Variants in DNAH3 observed in about 807,000 individuals in gnomAD.
DNAH3 encodes dynein axonemal heavy chain 3, also known as axonemal beta dynein heavy chain 3.
In DNAH3, 332 loss-of-function variants were observed where a neutral mutation model predicts 432.5. The observed-to-expected ratio is 0.77, with a 90% CI of 0.70 to 0.84. The LOEUF is 0.84. DNAH3 is among the 40% of genes least tolerant of loss of function. The pLI is 0.00. For synonymous variants in DNAH3, 1,956 were observed against 1,900.2 expected, an observed-to-expected ratio of 1.03 and a Z score of -0.76; for missense variants, 4,861 against 5,114.0, an observed-to-expected ratio of 0.95 and a Z score of 1.51.
intron 40 of DNAH3, among the ~76,000 whole-genome samples, chr16:21,020,148 G>C (rs2152710158): frequency 6.6e-6 from 1 of 150,460 alleles, no homozygotes; most frequent in African/African-American, 2.4e-5. Context: ...AGCTTCCTGA[G>C]TAGCTGGGAC....
At chr16:21,042,493 T>G (rs992161809) in intron 31 of DNAH3, among the ~76,000 whole-genome samples, 14 of 152,270 alleles carry the variant, frequency 9.2e-5, no homozygotes, top group African/African-American at 3.4e-4. Flanking sequence ...GTTTATTGGT[T>G]CAAAGATCAG....
rs1426230124 is a variant in DNAH3 at position 20,964,397 on chromosome 16, C to A, written c.9487G>T (p.Glu3163Ter). Residue 3163 changes from glutamate to a stop codon, truncating the protein, a stop_gained, in exon 53 of 62, where the codon GAA becomes TAA. Coordinates refer to ENST00000261383, the Ensembl canonical transcript of DNAH3. LOFTEE classifies it high-confidence loss of function. ...TATAACTTAAAATCCCTGGAATATTCAATGATGTTTTCACCCAGCCTCATG... is the reference window on the plus strand; with the variant it reads ...TATAACTTAAAATCCCTGGAATATTAAATGATGTTTTCACCCAGCCTCATG... The A allele has an allele frequency of 3.1e-6, 5 of 1,613,970 alleles. No individual in the cohort carries two copies. In the South Asian group the frequency reaches 5.5e-5, roughly 18 times the overall value.
chr16:21,007,015 A>G (rs1462469604), intron 41 of DNAH3, among the ~76,000 whole-genome samples: 2 of 152,150 alleles, frequency 1.3e-5, no homozygotes, highest in African/African-American at 4.8e-5. Flanking sequence ...CTACTGCACC[A>G]TTTTACATTT....
chr16:20,980,273 T>C lies in DNAH3; in HGVS notation c.7860-727A>G, dbSNP rs921473936. On this transcript the variant is annotated intron_variant, in intron 49 of 61. Coordinates refer to ENST00000261383, the Ensembl canonical transcript of DNAH3. Reference sequence around the variant, plus strand: ...ATACATCATATATTATATTATAATATACATCATATATTATAATATACATCA... The same window carrying C: ...ATACATCATATATTATATTATAATACACATCATATATTATAATATACATCA... Among the ~76,000 whole-genome samples, 9 of 139,686 alleles carry C rather than the reference T, an allele frequency of 6.4e-5. No homozygotes were observed. The East Asian group carries it at 8.1e-4, about 13-fold the overall frequency. The allele number at this position is 139,686 out of a possible 152,430, so 91.6% of individuals were successfully genotyped here.
intron 59 of DNAH3, among the ~76,000 whole-genome samples, chr16:20,937,257 T>A (rs1359637789): frequency 6.6e-6 from 1 of 151,232 alleles, no homozygotes. Flanking sequence ...TGGGCTCAAG[T>A]GATCCTCCTG....
At chr16:20,987,002 C>CAATTAATTGATCCTAAAAATGCATTTT (rs2086230444) in intron 47 of DNAH3, among the ~76,000 whole-genome samples, 1 of 152,104 alleles carries the variant, frequency 6.6e-6, no homozygotes. Flanking sequence ...CTCAACTCAC[C>CAATTAATTGATCCTAAAAATGCATTTT]AATTAATTGA....
chr16:21,048,319 A>C (rs2152740873), intron 31 of DNAH3, among the ~76,000 whole-genome samples: 1 of 152,228 alleles, frequency 6.6e-6, no homozygotes, highest in South Asian at 2.1e-4. Context: ...TGTGCTAGCA[A>C]TCAGCGAGAC....
chr16:21,045,269 C>G (rs886600161), intron 31 of DNAH3, among the ~76,000 whole-genome samples: 1 of 151,706 alleles, frequency 6.6e-6, no homozygotes, highest in African/African-American at 2.4e-5. Context: ...CTCCTTGTAC[C>G]TCTGGTAGAA....
At chr16:21,121,009 G>C (rs1221634615) in intron 10 of DNAH3, 2 of 713,262 alleles carry the variant, frequency 2.8e-6, no homozygotes, top group Non-Finnish European at 5.1e-6. Context: ...AGATTGCAAA[G>C]AGAAGAATGC....
intron 50 of DNAH3, among the ~76,000 whole-genome samples, chr16:20,978,777 T>A (rs2152655068): frequency 6.6e-6 from 1 of 152,212 alleles, no homozygotes; most frequent in Non-Finnish European, 1.5e-5. Flanking sequence ...TCTCTTGGCC[T>A]CAACTGATCC....
At chr16:20,970,052 C>G (rs2085268463) in intron 51 of DNAH3, 62 bp from the exon 52 acceptor site, 1 of 1,451,838 alleles carries the variant, frequency 6.9e-7, no homozygotes, top group Admixed American at 1.7e-5. Context: ...GGGGGCGAAG[C>G]AGAGCTCCAC....
At chr16:21,114,934 C>T (rs1340913508) in intron 12 of DNAH3, among the ~76,000 whole-genome samples, 2 of 152,174 alleles carry the variant, frequency 1.3e-5, no homozygotes, top group Non-Finnish European at 2.9e-5. Flanking sequence ...TATAAAGACA[C>T]ATGCACACGT....
At chr16:20,942,852 T>TCCC (rs2083876755) in intron 58 of DNAH3, among the ~76,000 whole-genome samples, 2 of 152,118 alleles carry the variant, frequency 1.3e-5, no homozygotes, top group Non-Finnish European at 2.9e-5. Flanking sequence ...CACAGAAAAA[T>TCCC]CATGTTGAGT....
At chr16:21,059,614 A>G (rs537905008) in intron 26 of DNAH3, among the ~76,000 whole-genome samples, 7 of 152,206 alleles carry the variant, frequency 4.6e-5, no homozygotes, top group Admixed American at 3.9e-4. Context: ...ATCTCTACGA[A>G]AAATACAAAA....
intron 1 of DNAH3, among the ~76,000 whole-genome samples, chr16:21,151,750 A>C (rs890398276): frequency 9.2e-5 from 14 of 152,174 alleles, no homozygotes; most frequent in African/African-American, 3.4e-4. Flanking sequence ...ATGTGCACAT[A>C]CTCAAAAGTA....
At chr16:20,933,932 T>C (rs2083498194) in intron 61 of DNAH3, among the ~76,000 whole-genome samples, 1 of 152,216 alleles carries the variant, frequency 6.6e-6, no homozygotes, top group South Asian at 2.1e-4. Flanking sequence ...GTATAAAGAC[T>C]TCCACCATGG....
At chr16:20,959,140 T>G (rs1285002940) in intron 54 of DNAH3, 39 bp downstream of exon 54, 1 of 1,594,596 alleles carries the variant, frequency 6.3e-7, no homozygotes, top group Non-Finnish European at 8.6e-7. Flanking sequence ...TGTCTGGAGG[T>G]TGGGTCCCAG....
At chr16:21,016,143 G>A (rs1179416550) in intron 41 of DNAH3, among the ~76,000 whole-genome samples, 1 of 152,162 alleles carries the variant, frequency 6.6e-6, no homozygotes, top group Non-Finnish European at 1.5e-5. Flanking sequence ...GCAATACTCA[G>A]TGAGGCACAA....
At chr16:20,937,720 C>T (rs2083648475) in intron 59 of DNAH3, among the ~76,000 whole-genome samples, 1 of 151,510 alleles carries the variant, frequency 6.6e-6, no homozygotes, top group Non-Finnish European at 1.5e-5. Context: ...GAGACAAGGT[C>T]TCCCTATGTT....
Sources: allele counts gnomAD v4.1 joint callset (sites outside exome capture counted in the v4.1 genomes callset), GRCh38; gene constraint gnomAD v4.1.1; transcripts MANE v1.5; gene names NCBI Gene and HGNC (gene_info 2026-07-23, HGNC 2026-07-21).